Variants in CTNNA2 observed in about 807,000 individuals in gnomAD.
The protein encoded by CTNNA2 is catenin alpha-2.
A neutral mutation model predicts 101.0 loss-of-function variants in CTNNA2; 42 were observed. The ratio of observed to expected loss-of-function variants is 0.42; its 90% CI spans 0.32 to 0.54. The LOEUF (loss-of-function observed/expected upper bound fraction) is 0.54. Ranked by LOEUF, CTNNA2 falls within the 20% of genes least tolerant of loss-of-function variation. The pLI, the probability that CTNNA2 is intolerant of heterozygous loss-of-function variation, is 0.14. For missense variants in CTNNA2, 871 were observed against 1,223.1 expected (o/e 0.71, Z 4.29); for synonymous variants, 450 against 456.4 (o/e 0.99, Z 0.18).
At chr2:80,204,759 T>C (rs2149024514) in intron 7 of CTNNA2, among the ~76,000 whole-genome samples, 1 of 151,446 alleles carries the variant, frequency 6.6e-6, no homozygotes, top group South Asian at 2.1e-4. Context: ...ACTCTACTGG[T>C]ACCAATTTAC....
rs1171927930 is a variant in CTNNA2, at chr2:80,303,062, T to C, written c.1057-90149T>C. The C allele has an allele frequency of 6.2e-7, 1 of 1,613,728 alleles. No individual in the cohort carries two copies. Among genetic ancestry groups the C allele is most frequent in the African/African-American group, 1.3e-5 (1 of 74,790 alleles). On this transcript the variant is annotated intron_variant, in intron 7 of 18. Coordinates refer to ENST00000402739, the MANE Select transcript of CTNNA2 (RefSeq NM_001282597.3). The surrounding 1 kb of genome is among the most constrained non-coding windows in gnomAD (Gnocchi z 7.7). ...CATTTTCTCCAGGTTCCAAACCCAG[T>C]CCAGCGAGCTGACCACAATGGCCAC... is the stretch of plus-strand genomic sequence containing the variant.
At chr2:79,662,314 C>A (rs1682092399) in intron 2 of CTNNA2, among the ~76,000 whole-genome samples, 1 of 151,952 alleles carries the variant, frequency 6.6e-6, no homozygotes, top group Non-Finnish European at 1.5e-5. Context: ...AAAGTATTTT[C>A]CATTTCAGTG....
At chr2:80,301,792 T>TC (rs112468247) in intron 7 of CTNNA2, 11,656 of 153,152 alleles carry the variant, frequency 0.076, 1,342 homozygotes, top group African/African-American at 0.25. Flanking sequence ...CCTGGACAAC[T>TC]CCCTCCCCAC....
chr2:80,564,949 G>C (rs988235064), intron 12 of CTNNA2, among the ~76,000 whole-genome samples: 1 of 152,136 alleles, frequency 6.6e-6, no homozygotes, highest in African/African-American at 2.4e-5. Flanking sequence ...TTTAGAGAAA[G>C]TATGTAAGGT....
In CTNNA2 at chr2:79,997,918, G is replaced by C. The variant is rs114825263; in HGVS notation, c.1056+88121G>C. On this transcript the variant is annotated intron_variant, in intron 7 of 18. Transcript: ENST00000402739. Reference sequence around the variant, plus strand: ...CCAACATAGAGAACTGAGCCAAAGAGATAGTGCTTTCCTGCTTAGAAAGAG... The same window carrying C: ...CCAACATAGAGAACTGAGCCAAAGACATAGTGCTTTCCTGCTTAGAAAGAG... Among the ~76,000 whole-genome samples the C allele has an allele frequency of 3.4e-3, 512 of 152,286 alleles. 4 individuals carry two copies. The highest frequency in any genetic ancestry group is 0.011 in the African/African-American group (464 of 41,556).
chr2:80,003,866 A>G (rs529993803), intron 7 of CTNNA2, among the ~76,000 whole-genome samples: 2 of 152,284 alleles, frequency 1.3e-5, no homozygotes, highest in East Asian at 3.9e-4. Context: ...CATTCAATAG[A>G]TCCCTAGGAT....
chr2:80,390,133 T>G (rs1677374774), intron 7 of CTNNA2, among the ~76,000 whole-genome samples: 1 of 152,222 alleles, frequency 6.6e-6, no homozygotes, highest in African/African-American at 2.4e-5. Flanking sequence ...TACATGACTT[T>G]CTTTTTGCCA....
intron 2 of CTNNA2, among the ~76,000 whole-genome samples, chr2:79,255,641 A>G (rs1328472521): frequency 6.6e-6 from 1 of 152,180 alleles, no homozygotes; most frequent in African/African-American, 2.4e-5. Context: ...GAGTGGTGGA[A>G]AGGCTAAATG....
In CTNNA2 at chr2:79,947,503, G is replaced by A. The variant is rs567635944; in HGVS notation, c.1056+37706G>A. Reference sequence around the variant, plus strand: ...ATAAGGTAATAGCCTTTCTTATAAAGTAGTAGACACAGAAACAAAACCAAA... The same window carrying A: ...ATAAGGTAATAGCCTTTCTTATAAAATAGTAGACACAGAAACAAAACCAAA... On this transcript the variant is annotated intron_variant, in intron 7 of 18. Transcript: ENST00000402739. Among the ~76,000 whole-genome samples the A allele has an allele frequency of 2.6e-4, 40 of 152,260 alleles. No homozygotes were observed. In the South Asian group the frequency reaches 3.9e-3, roughly 15 times the overall value.
At chr2:80,187,871 C>T (rs1452783779) in intron 7 of CTNNA2, among the ~76,000 whole-genome samples, 2 of 151,922 alleles carry the variant, frequency 1.3e-5, no homozygotes, top group African/African-American at 4.8e-5. Flanking sequence ...CTTTTATCCT[C>T]ACCTTACAAC....
intron 7 of CTNNA2, among the ~76,000 whole-genome samples, chr2:80,368,149 A>G (rs1391507955): frequency 6.6e-6 from 1 of 152,154 alleles, no homozygotes; most frequent in Non-Finnish European, 1.5e-5. Context: ...GTTTTGGCAT[A>G]TATTTACATT....
At chr2:80,090,146 CTGTGTGTGTG>C (rs35203371) in intron 7 of CTNNA2, among the ~76,000 whole-genome samples, 11,047 of 140,762 alleles carry the variant, frequency 0.078, 569 homozygotes, top group South Asian at 0.29. Context: ...CTCTCTCTCT[CTGTGTGTGTG>C]TGTGTGTGTG....
rs201192570 is a variant in CTNNA2, at chr2:80,029,717, C to T, written c.1056+119920C>T. ...TTCTACTAAGAATCTACTTTGGCTACATCTGCATTATGTGGTAGAGGAGGT... is the reference window on the plus strand; with the variant it reads ...TTCTACTAAGAATCTACTTTGGCTATATCTGCATTATGTGGTAGAGGAGGT... On this transcript the variant is annotated intron_variant, in intron 7 of 18. Transcript: ENST00000402739. 2.0e-3 allele frequency among the ~76,000 whole-genome samples: 296 copies of T among 148,436 alleles called. 2 individuals carry two copies. Among genetic ancestry groups the T allele is most frequent in the Non-Finnish European group, 3.5e-3 (234 of 67,548 alleles).
intron 13 of CTNNA2, among the ~76,000 whole-genome samples, chr2:80,574,707 AC>A (rs1694889074): frequency 6.6e-6 from 1 of 152,186 alleles, no homozygotes; most frequent in South Asian, 2.1e-4. Flanking sequence ...CATAATAGTA[AC>A]AGTTATTATC....
chr2:79,489,608 T>C (rs1358338635), intron 4 of CTNNA2, among the ~76,000 whole-genome samples: 3 of 152,120 alleles, frequency 2.0e-5, no homozygotes, highest in African/African-American at 7.2e-5. Flanking sequence ...TTCTTTTCAT[T>C]ACAAAGAGAA....
At position 80,303,805 on chromosome 2, in the gene CTNNA2, C is replaced by A. The variant is rs1364175891; in HGVS notation, c.1057-89406C>A. The A allele has an allele frequency of 6.6e-7, 1 of 1,512,692 alleles. No homozygotes were observed. Among genetic ancestry groups the A allele is most frequent in the Middle Eastern group, 1.8e-4 (1 of 5,588 alleles). The allele number at this position is 1,512,692 out of a possible 1,614,324, so 93.7% of individuals were successfully genotyped here. ...GCAGCCAGTATAGACAGAGACCGAG[C>A]AGCAGGAAATCCATTAGCGAGAATC... On this transcript the variant is annotated intron_variant, in intron 7 of 18. Transcript: ENST00000402739. This position sits in a 1 kb window ranked among gnomAD's most constrained non-coding sequence, Gnocchi z 7.7.
intron 7 of CTNNA2, among the ~76,000 whole-genome samples, chr2:79,947,518 A>G (rs1262393355): frequency 6.6e-6 from 1 of 152,214 alleles, no homozygotes; most frequent in African/African-American, 2.4e-5. Context: ...AGACACAGAA[A>G]CAAAACCAAA....
At chr2:80,523,021 T>G (rs1167320870) in intron 9 of CTNNA2, among the ~76,000 whole-genome samples, 1 of 151,890 alleles carries the variant, frequency 6.6e-6, no homozygotes, top group Non-Finnish European at 1.5e-5. Flanking sequence ...ACTCAGAAAA[T>G]TACATAAAGG....
chr2:79,614,917 A>G (rs1238078333), intron 1 of CTNNA2, among the ~76,000 whole-genome samples: 1 of 152,212 alleles, frequency 6.6e-6, no homozygotes. Context: ...CCTCTATCAT[A>G]AAGTTTCTCT....
Sources: gnomAD v4.1 joint callset for allele counts (sites outside exome capture counted in the v4.1 genomes callset) on GRCh38, gnomAD v4.1.1 for gene constraint, Gnocchi (gnomAD v3.1) non-coding constraint, MANE v1.5 for transcripts, NCBI Gene and HGNC (gene_info 2026-07-23, HGNC 2026-07-21) for gene names.